The following SIPA1L1 variants were observed in gnomAD, a reference collection of about 807,000 sequenced individuals.
SIPA1L1 encodes the protein signal induced proliferation associated 1 like 1.
In SIPA1L1, 26 loss-of-function variants were observed where a neutral mutation model predicts 162.7. The ratio of observed to expected loss-of-function variants is 0.16; its 90% CI spans 0.12 to 0.22. The LOEUF is 0.22. Among genes scored for constraint, SIPA1L1 ranks in the 10% least tolerant of loss-of-function variants. The pLI is 1.00. For missense variants in SIPA1L1, 1,874 were observed against 2,241.0 expected (o/e 0.84, Z 3.31); for synonymous variants, 829 against 837.4 (o/e 0.99, Z 0.17).
In SIPA1L1 at chr14:71,684,669, C is replaced by T. The variant is rs191923137; in HGVS notation, c.3105-693C>T. The stretch of plus-strand genomic sequence containing the variant: ...TGGGGGTGTGAAGCTGCTCGTACAC[C>T]GTTTCAGAGCCCAGTCACGATGTGC... On this transcript the variant is annotated intron_variant, in intron 12 of 23. Coordinates refer to ENST00000381232, the MANE Select transcript of SIPA1L1 (RefSeq NM_001386936.1). 3.3e-5 allele frequency among the ~76,000 whole-genome samples: 5 copies of T among 151,372 alleles called. No homozygotes were observed. In the East Asian group the frequency reaches 5.9e-4, roughly 18 times the overall value.
At chr14:71,480,920 C>T (rs1385244329) in intron 2 of SIPA1L1, among the ~76,000 whole-genome samples, 1 of 152,082 alleles carries the variant, frequency 6.6e-6, no homozygotes, top group African/African-American at 2.4e-5. Context: ...TTCCTTTCTA[C>T]TAAAAAAATT....
At chr14:71,536,253 G>A (rs925759155) in intron 4 of SIPA1L1, among the ~76,000 whole-genome samples, 2 of 152,106 alleles carry the variant, frequency 1.3e-5, no homozygotes, top group Admixed American at 6.6e-5. Flanking sequence ...GTGCTTGTTT[G>A]TTGGTTTCCT....
Position 71,351,202 on chromosome 14 carries a change from T to C in SIPA1L1, c.-465+30021T>C, listed in dbSNP as rs188759092. Among the ~76,000 whole-genome samples the C allele has an allele frequency of 4.7e-4, 71 of 152,306 alleles. 1 individual carries two copies. Among genetic ancestry groups the C allele is most frequent in the African/African-American group, 1.7e-3 (70 of 41,568 alleles). ...AATTACATAAACAGATAAATAGTTT[T>C]TCTGTGATACTAAAATTTCATGGGA... On this transcript the variant is annotated intron_variant, in intron 2 of 23. Coordinates refer to ENST00000381232, the MANE Select transcript of SIPA1L1 (RefSeq NM_001386936.1).
chr14:71,362,078 T>C (rs1279924637), intron 2 of SIPA1L1, among the ~76,000 whole-genome samples: 1 of 152,208 alleles, frequency 6.6e-6, no homozygotes, highest in Non-Finnish European at 1.5e-5. Flanking sequence ...CGGCCCGTCA[T>C]GGCAAATGGT....
At position 71,739,517 on chromosome 14, in the gene SIPA1L1, T is replaced by C. The variant is rs189955707; in HGVS notation, c.*356T>C. On this transcript the variant is annotated 3_prime_UTR_variant, in exon 24 of 24. Coordinates refer to ENST00000381232, the MANE Select transcript of SIPA1L1 (RefSeq NM_001386936.1). ...CCCATCCGCCTCTATTCCCATCAGCTTTCTTATCAACTTCAGGTAACCCAA... is the reference window on the plus strand; with the variant it reads ...CCCATCCGCCTCTATTCCCATCAGCCTTCTTATCAACTTCAGGTAACCCAA... The C allele has an allele frequency of 6.4e-6, 1 of 157,012 alleles. No homozygotes were observed. Among genetic ancestry groups the C allele is most frequent in the East Asian group, 1.8e-4 (1 of 5,470 alleles). 9.7% of individuals were successfully genotyped at this position (157,012 alleles called of 1,614,324 possible).
chr14:71,633,155 A>ATGTTATGTTATGTTATGTTC (rs1555488061), intron 7 of SIPA1L1, among the ~76,000 whole-genome samples: 9 of 126,006 alleles, frequency 7.1e-5, no homozygotes, highest in Non-Finnish European at 1.3e-4. Context: ...ATGTTATGTT[A>ATGTTATGTTATGTTATGTTC]TGTTCTGTTC....
chr14:71,672,340 T>G lies in SIPA1L1; in HGVS notation c.2830-8T>G, dbSNP rs1339013853. The G allele has an allele frequency of 2.5e-6, 4 of 1,613,594 alleles. No individual in the cohort carries two copies. The highest frequency in any genetic ancestry group is 3.4e-6 in the Non-Finnish European group (4 of 1,179,496). ...TTAAACCACAGTATCTTTTATTTCC[T>G]TGTCTAGTTTGTTTCAAAAGGCTGT... On this transcript the variant is annotated splice_region_variant and splice_polypyrimidine_tract_variant and intron_variant, in intron 11 of 23. Transcript: ENST00000381232.
intron 4 of SIPA1L1, among the ~76,000 whole-genome samples, chr14:71,536,965 A>G (rs572905621): frequency 3.9e-5 from 6 of 152,246 alleles, no homozygotes; most frequent in South Asian, 4.1e-4. Flanking sequence ...TTTATGGAAT[A>G]TTTAGATTTT....
At chr14:71,677,626 A>G (rs1452944578) in intron 12 of SIPA1L1, among the ~76,000 whole-genome samples, 1 of 152,178 alleles carries the variant, frequency 6.6e-6, no homozygotes, top group Non-Finnish European at 1.5e-5. Flanking sequence ...TTAGGTCTTT[A>G]ATCCATCTTG....
At chr14:71,649,735 T>G (rs2149066731) in intron 7 of SIPA1L1, among the ~76,000 whole-genome samples, 1 of 152,336 alleles carries the variant, frequency 6.6e-6, no homozygotes, top group Admixed American at 6.5e-5. Flanking sequence ...TGGAAAACTA[T>G]TTGAAAGAGA....
chr14:71,646,302 G>A (rs1025272230), intron 7 of SIPA1L1, among the ~76,000 whole-genome samples: 51 of 151,354 alleles, frequency 3.4e-4, no homozygotes, highest in South Asian at 2.1e-4. Flanking sequence ...TCAGCCTCCC[G>A]AGTAGCTGGG....
At position 71,577,730 on chromosome 14, in the gene SIPA1L1, C is replaced by CTTT. The variant is rs5809525; in HGVS notation, c.-302-9822_-302-9820dup. 2.8e-3 allele frequency among the ~76,000 whole-genome samples: 273 copies of CTTT among 97,130 alleles called. 12 individuals are homozygous for CTTT. The highest frequency in any genetic ancestry group is 7.9e-3 in the African/African-American group (190 of 24,202). 63.7% of individuals were successfully genotyped at this position (97,130 alleles called of 152,430 possible). On this transcript the variant is annotated intron_variant, in intron 4 of 23. Coordinates refer to ENST00000381232, the MANE Select transcript of SIPA1L1 (RefSeq NM_001386936.1). Reference sequence around the variant, plus strand: ...TAACTTTATGGCTTGTTGGGCATGCCTTTTTTTTTTTTTTTTTTTTTGAAA... The same window carrying CTTT: ...TAACTTTATGGCTTGTTGGGCATGCCTTTTTTTTTTTTTTTTTTTTTTTTGAAA...
chr14:71,448,125 C>G (rs567247551), intron 2 of SIPA1L1, among the ~76,000 whole-genome samples: 23 of 152,156 alleles, frequency 1.5e-4, no homozygotes, highest in Non-Finnish European at 2.5e-4. Context: ...ACTGAAGGAA[C>G]TTGTCTAATG....
At chr14:71,738,947 C>A in intron 23 of SIPA1L1, 71 bp from the exon 24 acceptor site, 1 of 1,527,426 alleles carries the variant, frequency 6.5e-7, no homozygotes, top group Admixed American at 2.0e-5. Flanking sequence ...GGGTCCATAG[C>A]TATTACTCAG....
intron 15 of SIPA1L1, 175 bp from the exon 16 acceptor site, chr14:71,705,047 C>T (rs1285015847): frequency 3.4e-5 from 21 of 622,040 alleles, no homozygotes; most frequent in Non-Finnish European, 5.4e-5. Flanking sequence ...TATCCATCAG[C>T]CACTTAAGTT....
At chr14:71,652,120 A>G (rs2042671571) in intron 8 of SIPA1L1, among the ~76,000 whole-genome samples, 1 of 152,226 alleles carries the variant, frequency 6.6e-6, no homozygotes. Context: ...AACGAAAAGT[A>G]GGGAAGTATT....
intron 2 of SIPA1L1, among the ~76,000 whole-genome samples, chr14:71,465,844 AGTT>A (rs1290569561): frequency 2.0e-5 from 3 of 152,174 alleles, no homozygotes; most frequent in African/African-American, 7.2e-5. Flanking sequence ...AAACTGAAGA[AGTT>A]GGAGTCCAAA....
chr14:71,462,241 C>T (rs541431223), intron 2 of SIPA1L1, among the ~76,000 whole-genome samples: 1 of 152,324 alleles, frequency 6.6e-6, no homozygotes, highest in African/African-American at 2.4e-5. Context: ...GGCGGCAGAG[C>T]CTTGCTCCAA....
chr14:71,331,334 T>C (rs77236847), intron 2 of SIPA1L1, among the ~76,000 whole-genome samples: 1 of 152,358 alleles, frequency 6.6e-6, no homozygotes, highest in East Asian at 1.9e-4. Flanking sequence ...ATGGCACTTT[T>C]AAGTTATGCT....
Sources: gnomAD v4.1 joint callset for allele counts (sites outside exome capture counted in the v4.1 genomes callset) on GRCh38, gnomAD v4.1.1 for gene constraint, MANE v1.5 for transcripts, NCBI Gene and HGNC (gene_info 2026-07-23, HGNC 2026-07-21) for gene names.